The following SLC12A8 variants were observed in gnomAD, a reference collection of about 807,000 sequenced individuals.
SLC12A8 encodes solute carrier family 12 member 8.
Under a neutral mutation model 75.6 loss-of-function variants are expected in SLC12A8, and 69 were observed. That is an observed-to-expected ratio of 0.91 (90% CI 0.75 to 1.11). The LOEUF is 1.11. SLC12A8 is among the 50% of genes most tolerant of loss of function. The pLI, the probability that SLC12A8 is intolerant of heterozygous loss-of-function variation, is 0.00. For missense variants in SLC12A8, 877 were observed against 896.7 expected, an observed-to-expected ratio of 0.98 and a Z score of 0.28; for synonymous variants, 365 against 372.8, an observed-to-expected ratio of 0.98 and a Z score of 0.24.
chr3:125,102,584 G>C (rs746616436), intron 10 of SLC12A8, among the ~76,000 whole-genome samples: 2 of 152,166 alleles, frequency 1.3e-5, no homozygotes, highest in Non-Finnish European at 2.9e-5. Context: ...GGTACAAGAT[G>C]ATGAGCGTCT....
intron 10 of SLC12A8, among the ~76,000 whole-genome samples, chr3:125,097,531 TGTGTG>T (rs1938747573): frequency 1.9e-3 from 1 of 520 alleles, no homozygotes. Flanking sequence ...AAGGGAATTG[TGTGTG>T]TGTGTGTGTG....
At chr3:125,148,668 C>T (rs937162127) in intron 5 of SLC12A8, among the ~76,000 whole-genome samples, 2 of 152,172 alleles carry the variant, frequency 1.3e-5, no homozygotes, top group Non-Finnish European at 2.9e-5. Context: ...ACAGGCTGCT[C>T]GCACCACAGA....
chr3:125,153,395 A>G (rs1054086445), intron 5 of SLC12A8, among the ~76,000 whole-genome samples: 5 of 152,212 alleles, frequency 3.3e-5, no homozygotes, highest in African/African-American at 7.2e-5. Flanking sequence ...CTCAGCTACC[A>G]CCAGTGCTTC....
chr3:125,147,518 T>C (rs1933814880), intron 5 of SLC12A8, among the ~76,000 whole-genome samples: 1 of 149,486 alleles, frequency 6.7e-6, no homozygotes, highest in African/African-American at 2.4e-5. Context: ...CATCTCCCCG[T>C]CAGATTAGGA....
chr3:125,119,675 C>T (rs1932997422), intron 7 of SLC12A8, among the ~76,000 whole-genome samples: 1 of 152,240 alleles, frequency 6.6e-6, no homozygotes, highest in Non-Finnish European at 1.5e-5. Context: ...AATGTTATTG[C>T]ACAAAATACC....
chr3:125,121,309 T>C (rs1933053432), intron 6 of SLC12A8, among the ~76,000 whole-genome samples: 1 of 152,226 alleles, frequency 6.6e-6, no homozygotes, highest in Non-Finnish European at 1.5e-5. Flanking sequence ...CAGTGCTGCA[T>C]GGTGAAGTGG....
At chr3:125,084,729 C>T (rs910961334) in intron 13 of SLC12A8, among the ~76,000 whole-genome samples, 5 of 152,170 alleles carry the variant, frequency 3.3e-5, no homozygotes, top group African/African-American at 7.2e-5. Flanking sequence ...GCAGCTGCTA[C>T]GGAAGGCAGA....
intron 5 of SLC12A8, among the ~76,000 whole-genome samples, chr3:125,146,373 G>A (rs1428989049): frequency 6.6e-6 from 1 of 152,230 alleles, no homozygotes; most frequent in Non-Finnish European, 1.5e-5. Context: ...ACAACAGTGT[G>A]AATGTAACTA....
intron 5 of SLC12A8, among the ~76,000 whole-genome samples, chr3:125,167,346 A>G (rs1186867021): frequency 6.6e-6 from 1 of 152,194 alleles, no homozygotes; most frequent in Admixed American, 6.5e-5. Context: ...GGGTTTCACC[A>G]TGTTGGCCAG....
At chr3:125,088,097 G>A (rs1054179921) in intron 13 of SLC12A8, 11 of 568,136 alleles carry the variant, frequency 1.9e-5, no homozygotes, top group Non-Finnish European at 1.9e-5. Context: ...AAGAGGACAT[G>A]AGCCTAGAGG....
chr3:125,145,338 G>T (rs1276806938), intron 5 of SLC12A8, among the ~76,000 whole-genome samples: 1 of 152,174 alleles, frequency 6.6e-6, no homozygotes, highest in Non-Finnish European at 1.5e-5. Context: ...CTGGCACCTA[G>T]CCCCAGGGGA....
chr3:125,135,892 G>T lies in SLC12A8; in HGVS notation c.623-110C>A, dbSNP rs565538101. On this transcript the variant is annotated intron_variant, in intron 5 of 13. Coordinates refer to ENST00000469902, the MANE Select transcript of SLC12A8 (RefSeq NM_024628.6). The stretch of plus-strand genomic sequence containing the variant: ...TCGCTTTAAATATTGGAAAGGTAGG[G>T]GCATGTATGTGACACACAGCGACAG... 14 of 598,304 alleles carry T rather than the reference G, an allele frequency of 2.3e-5. No homozygotes were observed. The East Asian group carries it at 3.4e-4, about 15-fold the overall frequency. The allele number at this position is 598,304 out of a possible 1,614,324, so 37.1% of individuals were successfully genotyped here.
intron 2 of SLC12A8, among the ~76,000 whole-genome samples, chr3:125,203,643 A>C (rs1935172534): frequency 6.6e-6 from 1 of 152,224 alleles, no homozygotes; most frequent in South Asian, 2.1e-4. Flanking sequence ...TGCTAGAAGA[A>C]AACATAGGGG....
intron 4 of SLC12A8, 95 bp from the exon 5 acceptor site, chr3:125,178,069 G>A (rs574538455): frequency 1.6e-5 from 16 of 1,016,522 alleles, no homozygotes; most frequent in Admixed American, 1.4e-4. Flanking sequence ...CACCCCCATC[G>A]GACACACTCA....
intron 6 of SLC12A8, among the ~76,000 whole-genome samples, chr3:125,133,581 A>C (rs906198411): frequency 5.9e-5 from 9 of 152,046 alleles, no homozygotes; most frequent in Non-Finnish European, 1.5e-5. Context: ...GCATGCCACC[A>C]CGCCCAGCTA....
chr3:125,174,244 G>T (rs982860308), intron 5 of SLC12A8, among the ~76,000 whole-genome samples: 1 of 152,166 alleles, frequency 6.6e-6, no homozygotes, highest in African/African-American at 2.4e-5. Flanking sequence ...AATATCATAC[G>T]TCATTAGAGA....
intron 5 of SLC12A8, among the ~76,000 whole-genome samples, chr3:125,166,280 A>G (rs1934285037): frequency 6.6e-6 from 1 of 151,726 alleles, no homozygotes; most frequent in Non-Finnish European, 1.5e-5. Context: ...GTCAGGTGTC[A>G]GCCTTATCCC....
intron 12 of SLC12A8, among the ~76,000 whole-genome samples, chr3:125,090,258 C>T (rs1273245287): frequency 6.6e-6 from 1 of 151,982 alleles, no homozygotes; most frequent in African/African-American, 2.4e-5. Flanking sequence ...CTAATTATTC[C>T]CCCTCTGGTC....
In SLC12A8 at chr3:125,177,776, A is replaced by G. The variant is rs750480544; in HGVS notation, c.589T>C (p.Phe197Leu). ...AGGTGGGTGAAAGAACCCACCACAA[A>G]GTCCAGTGTGGACACGGCCAGCAGG... ...LFLLAVSTLD[F>L]VVGSFTHLDP... Residue 197 changes from phenylalanine to leucine, a missense_variant, in exon 5 of 14, where the codon TTT becomes CTT. Transcript: ENST00000469902. The G allele has an allele frequency of 6.2e-7, 1 of 1,614,190 alleles. No homozygotes were observed. The highest frequency in any genetic ancestry group is 8.5e-7 in the Non-Finnish European group (1 of 1,180,028).
Sources: gnomAD v4.1 joint callset for allele counts (sites outside exome capture counted in the v4.1 genomes callset) on GRCh38, gnomAD v4.1.1 for gene constraint, MANE v1.5 for transcripts, NCBI Gene and HGNC (gene_info 2026-07-23, HGNC 2026-07-21) for gene names.